F5: variants seen among roughly 807,000 people sequenced by gnomAD.
F5 encodes the protein coagulation factor V, also known as activated protein c cofactor.
In F5, 138 loss-of-function variants were observed where a neutral mutation model predicts 216.4. The ratio of observed to expected loss-of-function variants is 0.64; its 90% CI spans 0.56 to 0.73. The LOEUF is 0.73. Ranked by LOEUF, F5 falls within the 30% of genes least tolerant of loss-of-function variation. The pLI is 0.00. For synonymous variants in F5, 916 were observed against 930.7 expected (o/e 0.98, Z 0.29); for missense variants, 2,403 against 2,674.0 (o/e 0.90, Z 2.24).
At chr1:169,566,714 A>G (rs1660610169) in intron 3 of F5, among the ~76,000 whole-genome samples, 2 of 152,050 alleles carry the variant, frequency 1.3e-5, no homozygotes, top group South Asian at 2.1e-4. Flanking sequence ...TTAAGATAAT[A>G]TAATCCTTTT....
At position 169,571,902 on chromosome 1, in the gene F5, AC is replaced by A. The variant is rs1297825482; in HGVS notation, c.373+318del. ...TGGCCCTTTACGGAAAAATTTACTGACCCCCGCCTTAAACCATCTTTCAATG... is the reference window on the plus strand; with the variant it reads ...TGGCCCTTTACGGAAAAATTTACTGACCCCGCCTTAAACCATCTTTCAATG... On this transcript the variant is annotated intron_variant, in intron 3 of 24. Transcript: ENST00000367797. Among the ~76,000 whole-genome samples the A allele has an allele frequency of 5.9e-5, 9 of 151,848 alleles. No individual in the cohort carries two copies. In the East Asian group the frequency reaches 1.2e-3, roughly 20 times the overall value.
Position 169,549,977 on chromosome 1 carries a change from C to A in F5, c.1435G>T (p.Glu479Ter). The A allele has an allele frequency of 6.2e-7, 1 of 1,614,074 alleles. No homozygotes were observed. Among genetic ancestry groups the A allele is most frequent in the Non-Finnish European group, 8.5e-7 (1 of 1,180,000 alleles). The change falls in exon 10 of 25, where the codon GAA (glutamate) becomes TAA (stop). Residue 479 changes from glutamate (E) to a stop codon, truncating the protein, a stop_gained. Coordinates refer to ENST00000367797, the MANE Select transcript of F5 (RefSeq NM_000130.5). LOFTEE classifies it high-confidence loss of function. ...ATGTTCCACTTATAAGTATAGGTTTCCCCTGGTTGAACTGCTCTGATCATG... is the reference window on the plus strand; with the variant it reads ...ATGTTCCACTTATAAGTATAGGTTTACCCTGGTTGAACTGCTCTGATCATG... ...NTMIRAVQPG[E>*]TYTYKWNILE...
chr1:169,542,261 C>A lies in F5; in HGVS notation c.2829G>T (p.Leu943Phe). The stretch of plus-strand genomic sequence containing the variant: ...CAGAAGCCAAATGCCATCTCCCAAC[C>A]AAAATCTTAGATGAGTTACTTTGTT... ...LLKQSNSSKILVGRWHLASEK... is the reference protein window; with the variant it reads ...LLKQSNSSKIFVGRWHLASEK... Residue 943 changes from leucine (L) to phenylalanine (F), a missense_variant, in exon 13 of 25, where the codon TTG becomes TTT. Coordinates refer to ENST00000367797, the MANE Select transcript of F5 (RefSeq NM_000130.5). 1 of 1,614,054 alleles carries A rather than the reference C, an allele frequency of 6.2e-7. No individual in the cohort carries two copies. The highest frequency in any genetic ancestry group is 8.5e-7 in the Non-Finnish European group (1 of 1,179,978).
intron 19 of F5, 51 bp downstream of exon 19, chr1:169,524,786 G>A (rs1328814099): frequency 7.0e-7 from 1 of 1,419,294 alleles, no homozygotes; most frequent in Non-Finnish European, 1.0e-6. Context: ...TAGGCTGCAT[G>A]CTGCACAACT....
Position 169,560,576 on chromosome 1 carries a change from C to T in F5, c.564G>A (p.Gly188=), listed in dbSNP as rs1557573. The stretch of plus-strand genomic sequence containing the variant: ...TACCTTTTTTACAGATAAGCAGGGG[C>T]CCAATCAGCCCCGAGTTGAAATCCT... The part of the protein sequence containing the change: ...LIEDFNSGLI[G]PLLICKKGTL... The change falls in exon 4 of 25, where the codon GGG becomes GGA. Residue 188 remains glycine, a synonymous_variant. Transcript: ENST00000367797. The T allele has an allele frequency of 5.0e-6, 8 of 1,613,410 alleles. No individual in the cohort carries two copies. In the Admixed American group the frequency reaches 6.7e-5, roughly 13 times the overall value.
At chr1:169,569,126 G>T (rs1040153015) in intron 3 of F5, among the ~76,000 whole-genome samples, 4 of 151,976 alleles carry the variant, frequency 2.6e-5, no homozygotes, top group Non-Finnish European at 5.9e-5. Context: ...TGTTTCAGGT[G>T]TTTATCATAT....
Position 169,542,061 on chromosome 1 carries a change from T to C in F5, c.3029A>G (p.Gln1010Arg). The stretch of plus-strand genomic sequence containing the variant: ...ACTCTTTCCTCCATCCTGTCTTACT[T>C]GTAGAGATTTATGTCTAACTCTAGG... ...KFPRVRHKSL[Q>R]VRQDGGKSRL... Residue 1010 changes from glutamine to arginine, a missense_variant, in exon 13 of 25, where the codon CAA (glutamine) becomes CGA (arginine). By Grantham distance (43) the Gln-to-Arg change is conservative (BLOSUM62 1). This residue lies in a region of F5 where 1,425 missense variants were observed against 1,554.8 expected (regional missense o/e 0.92). Coordinates refer to ENST00000367797, the MANE Select transcript of F5 (RefSeq NM_000130.5). 1.9e-6 allele frequency: 3 copies of C among 1,614,128 alleles called. No individual in the cohort carries two copies. The South Asian group carries it at 3.3e-5, about 18-fold the overall frequency.
chr1:169,527,640 GA>G (rs1268574801), intron 17 of F5, among the ~76,000 whole-genome samples: 2 of 152,112 alleles, frequency 1.3e-5, no homozygotes, highest in Admixed American at 6.6e-5. Context: ...TCATCTGTAT[GA>G]CACACAGTGG....
In F5 at chr1:169,570,991, A is replaced by G. The variant is rs144750650; in HGVS notation, c.373+1230T>C. 9.5e-4 allele frequency among the ~76,000 whole-genome samples: 145 copies of G among 152,058 alleles called. 1 individual carries two copies. The highest frequency in any genetic ancestry group is 3.2e-3 in the African/African-American group (134 of 41,498). On this transcript the variant is annotated intron_variant, in intron 3 of 24. Coordinates refer to ENST00000367797, the MANE Select transcript of F5 (RefSeq NM_000130.5). ...TAGTTCTAAAACCTGCACATAAACC[A>G]CTCTCCTACTCAATTATTCTCTCAA...
chr1:169,586,185 T>C (rs768123800), intron 1 of F5, 44 bp downstream of exon 1: 5 of 1,611,938 alleles, frequency 3.1e-6, no homozygotes, highest in Non-Finnish European at 4.2e-6. Context: ...AGAAATAGAT[T>C]TTCCTCTCTA....
At chr1:169,562,830 C>A (rs896389909) in intron 3 of F5, among the ~76,000 whole-genome samples, 2 of 151,876 alleles carry the variant, frequency 1.3e-5, no homozygotes, top group East Asian at 3.9e-4. Context: ...TACTATTTTG[C>A]TTTAACATTT....
intron 1 of F5, among the ~76,000 whole-genome samples, chr1:169,583,210 TG>T (rs1241880623): frequency 6.6e-6 from 1 of 152,218 alleles, no homozygotes; most frequent in East Asian, 1.9e-4. Context: ...TTGCTGTTGT[TG>T]TTATTGTTCT....
intron 3 of F5, among the ~76,000 whole-genome samples, chr1:169,564,574 G>A (rs1251873464): frequency 4.6e-5 from 7 of 151,972 alleles, no homozygotes; most frequent in African/African-American, 1.4e-4. Context: ...TGTTTTGTCT[G>A]CCTGTCTAGT....
In F5 at chr1:169,529,739, G is replaced by A; in HGVS notation, c.5288C>T (p.Pro1763Leu). The A allele has an allele frequency of 3.1e-6, 5 of 1,613,764 alleles. 1 individual carries two copies. In the South Asian group the frequency reaches 5.5e-5, roughly 18 times the overall value. ...KGILHKDSNMPMDMREFVLLF... is the reference protein window; with the variant it reads ...KGILHKDSNMLMDMREFVLLF... ...TAAGACAAATTCTCTCATGTCCATA[G>A]GCATGTTGCTGTCCTTATGTAGTAT... Residue 1763 changes from proline (P) to leucine (L), a missense_variant, in exon 16 of 25, where the codon CCT (proline) becomes CTT (leucine). Around this residue, in one of 4 missense-constraint regions of F5, gnomAD observed 659 missense variants for 787.9 expected, o/e 0.84. Coordinates refer to ENST00000367797, the MANE Select transcript of F5 (RefSeq NM_000130.5).
At chr1:169,563,739 G>T (rs1418176073) in intron 3 of F5, among the ~76,000 whole-genome samples, 2 of 151,620 alleles carry the variant, frequency 1.3e-5, no homozygotes, top group Non-Finnish European at 2.9e-5. Flanking sequence ...GAAGTTCTGT[G>T]TATGCATATT....
chr1:169,555,925 T>C (rs1660313891), intron 6 of F5, among the ~76,000 whole-genome samples: 1 of 152,212 alleles, frequency 6.6e-6, no homozygotes, highest in Non-Finnish European at 1.5e-5. Flanking sequence ...CTCTTCCTTA[T>C]ATGTGTTGCT....
rs138230297 is a variant in F5, at chr1:169,543,696, C to T, written c.1976-582G>A. 1.0e-3 allele frequency among the ~76,000 whole-genome samples: 156 copies of T among 152,206 alleles called. 1 individual carries two copies. Among genetic ancestry groups the T allele is most frequent in the Middle Eastern group, 6.8e-3 (2 of 294 alleles). ...ACATCAAAGATTTCTTGGTGAGTCT[C>T]CAATAGTTACCATTGTTGGTGTCTA... On this transcript the variant is annotated intron_variant, in intron 12 of 24. Coordinates refer to ENST00000367797, the MANE Select transcript of F5 (RefSeq NM_000130.5).
chr1:169,531,911 G>A (rs956839668), intron 14 of F5, among the ~76,000 whole-genome samples: 6 of 151,830 alleles, frequency 4.0e-5, no homozygotes, highest in Non-Finnish European at 5.9e-5. Context: ...GAAAACTACC[G>A]GCCAATATCT....
At chr1:169,584,727 A>G (rs767395945) in intron 1 of F5, among the ~76,000 whole-genome samples, 5 of 152,246 alleles carry the variant, frequency 3.3e-5, no homozygotes, top group Non-Finnish European at 7.3e-5. Context: ...TAGATTTTTC[A>G]TAAGAAAATG....
Sources: allele counts gnomAD v4.1 joint callset (sites outside exome capture counted in the v4.1 genomes callset), GRCh38; gene constraint gnomAD v4.1.1; regional missense constraint gnomAD v4.1.1; transcripts MANE v1.5; gene names NCBI Gene and HGNC (gene_info 2026-07-23, HGNC 2026-07-21).